The following SP110 variants were observed in gnomAD, a reference collection of about 807,000 sequenced individuals.
SP110 encodes the protein interferon-induced protein 41, 30kD.
SP110 carries 62 observed loss-of-function variants against 92.7 expected under a neutral mutation model. That is an observed-to-expected ratio of 0.67 (90% CI 0.55 to 0.83). The LOEUF (loss-of-function observed/expected upper bound fraction) is 0.83. Ranked by LOEUF, SP110 falls within the 40% of genes least tolerant of loss-of-function variation. The probability of loss-of-function intolerance (pLI) is 0.00; values close to 1 mark genes in which losing one functional copy is unlikely to be tolerated. For missense variants in SP110, 793 were observed against 863.9 expected (o/e 0.92, Z 1.03); for synonymous variants, 273 against 305.3 (o/e 0.89, Z 1.10).
intron 8 of SP110, among the ~76,000 whole-genome samples, chr2:230,204,672 A>G (rs190669215): frequency 6.6e-6 from 1 of 151,940 alleles, no homozygotes; most frequent in East Asian, 1.9e-4. Flanking sequence ...AGCCTAGAAG[A>G]GACACATTAT....
chr2:230,213,138 T>A, intron 3 of SP110, 111 bp from the exon 4 acceptor site: 1 of 1,055,278 alleles, frequency 9.5e-7, no homozygotes, highest in Non-Finnish European at 1.5e-6. Context: ...GAGCTATTCA[T>A]TGTCCCCCAG....
At chr2:230,216,072 C>T (rs1209406687) in intron 2 of SP110, among the ~76,000 whole-genome samples, 4 of 152,108 alleles carry the variant, frequency 2.6e-5, no homozygotes, top group Non-Finnish European at 5.9e-5. Context: ...CACTTTTGTC[C>T]ACATAGCATA....
rs1168283866 is a variant in SP110 at position 230,199,150 on chromosome 2, T to TG, written c.1129+1734_1129+1735insC. ...CTACTATTATTATTATTATTATTAT[T>TG]TTTTTTTTTTTTTAGTGGGGTGAGG... On this transcript the variant is annotated intron_variant, in intron 10 of 18. Coordinates refer to ENST00000258381, the MANE Select transcript of SP110 (RefSeq NM_080424.4). Among the ~76,000 whole-genome samples, 25 of 98,652 alleles carry TG rather than the reference T, an allele frequency of 2.5e-4. No individual in the cohort carries two copies. In the East Asian group the frequency reaches 7.3e-3, roughly 29 times the overall value. The allele number at this position is 98,652 out of a possible 152,430, so 64.7% of individuals were successfully genotyped here.
chr2:230,205,201 T>C (rs1019665128), intron 8 of SP110, among the ~76,000 whole-genome samples: 1 of 152,208 alleles, frequency 6.6e-6, no homozygotes, highest in African/African-American at 2.4e-5. Flanking sequence ...GGTTTTTGCT[T>C]GGCACCTGGG....
intron 11 of SP110, 133 bp downstream of exon 11, chr2:230,185,861 T>C: frequency 1.2e-6 from 1 of 844,026 alleles, no homozygotes; most frequent in Admixed American, 1.7e-5. Flanking sequence ...CCGTGCTCTG[T>C]CTTCATGTCC....
chr2:230,218,362 A>C (rs1187484131), intron 1 of SP110, among the ~76,000 whole-genome samples: 1 of 152,250 alleles, frequency 6.6e-6, no homozygotes, highest in African/African-American at 2.4e-5. Context: ...TGAAAAGAAT[A>C]ATCCGCAATC....
chr2:230,176,519 T>C (rs2148710957), intron 14 of SP110: 4 of 1,563,856 alleles, frequency 2.6e-6, no homozygotes, highest in Non-Finnish European at 3.4e-6. Context: ...TGCTTCCCCA[T>C]CCCAAATTAA....
intron 12 of SP110, among the ~76,000 whole-genome samples, chr2:230,178,960 G>C (rs2041992581): frequency 6.6e-6 from 1 of 152,182 alleles, no homozygotes; most frequent in South Asian, 2.1e-4. Flanking sequence ...TCATTAAAGA[G>C]AGACAGCAGG....
At chr2:230,222,046 G>A (rs898337832), upstream of SP110, among the ~76,000 whole-genome samples, 18 of 152,182 alleles carry the variant, frequency 1.2e-4, no homozygotes, top group Non-Finnish European at 2.9e-5. Context: ...TTGCCAACAT[G>A]GCAAAATCCC....
chr2:230,191,014 GC>G (rs2042604651), intron 10 of SP110, among the ~76,000 whole-genome samples: 1 of 151,996 alleles, frequency 6.6e-6, no homozygotes, highest in Non-Finnish European at 1.5e-5. Context: ...TATCCTTTTT[GC>G]TTAGGATTGT....
intron 10 of SP110, among the ~76,000 whole-genome samples, chr2:230,186,562 T>C (rs1559147603): frequency 6.6e-6 from 1 of 152,244 alleles, no homozygotes; most frequent in Non-Finnish European, 1.5e-5. Flanking sequence ...GTTACATGGA[T>C]GAATTATATA....
At chr2:230,201,532 C>T (rs2043185679) in intron 9 of SP110, among the ~76,000 whole-genome samples, 1 of 152,082 alleles carries the variant, frequency 6.6e-6, no homozygotes, top group African/African-American at 2.4e-5. Flanking sequence ...TTTTGGTGAG[C>T]CAGTAAAAAT....
At chr2:230,174,646 G>A (rs989237365) in intron 14 of SP110, among the ~76,000 whole-genome samples, 1 of 152,250 alleles carries the variant, frequency 6.6e-6, no homozygotes, top group Non-Finnish European at 1.5e-5. Context: ...TGGAGACGGA[G>A]GCTCTCACAG....
intron 8 of SP110, among the ~76,000 whole-genome samples, chr2:230,204,461 C>A (rs942911156): frequency 3.3e-5 from 5 of 151,790 alleles, no homozygotes; most frequent in Non-Finnish European, 7.4e-5. Context: ...GGAAATTTCC[C>A]TCCAATAACC....
intron 8 of SP110, among the ~76,000 whole-genome samples, chr2:230,207,152 C>T (rs1353107063): frequency 6.6e-6 from 1 of 152,128 alleles, no homozygotes; most frequent in East Asian, 1.9e-4. Flanking sequence ...AAAGTTTTTT[C>T]TTTTCCTTTC....
intron 10 of SP110, among the ~76,000 whole-genome samples, chr2:230,186,376 G>A (rs75570174): frequency 1.1e-4 from 17 of 152,218 alleles, no homozygotes; most frequent in Middle Eastern, 3.4e-3. Flanking sequence ...GTAGGGATTT[G>A]TGTCTGTCTT....
rs2148916908 is a variant in SP110 at position 230,211,447 on chromosome 2, T to A, written c.751+23A>T. The A allele has an allele frequency of 6.9e-7, 1 of 1,458,446 alleles. No homozygotes were observed. Among genetic ancestry groups the A allele is most frequent in the East Asian group, 2.3e-5 (1 of 44,142 alleles). The allele number at this position is 1,458,446 out of a possible 1,614,324, so 90.3% of individuals were successfully genotyped here. On this transcript the variant is annotated intron_variant, in intron 6 of 18. Transcript: ENST00000258381. The surrounding 1 kb of genome is among the most constrained non-coding windows in gnomAD (Gnocchi z 4.2). ...AAACACAGAAACAAAGGCAAGCTTT[T>A]AGGTTGACCAAACCAAGATTACCTG...
chr2:230,190,004 C>T (rs947471163), intron 10 of SP110, among the ~76,000 whole-genome samples: 2 of 152,150 alleles, frequency 1.3e-5, no homozygotes, highest in Admixed American at 6.5e-5. Context: ...AATACTGCTG[C>T]GATAAACATA....
rs143090622 is a variant in SP110, at chr2:230,170,757, C to T, written c.1892G>A (p.Arg631Gln). The T allele has an allele frequency of 1.5e-5, 25 of 1,613,982 alleles. No individual in the cohort carries two copies. The highest frequency in any genetic ancestry group is 1.2e-4 in the African/African-American group (9 of 74,878). The change falls in exon 18 of 19, where the codon CGA (arginine) becomes CAA (glutamine). Residue 631 changes from arginine to glutamine, a missense_variant. Physicochemically the swap from Arg to Gln is conservative, Grantham distance 43. Transcript: ENST00000258381. Reference protein sequence around the residue: ...SFFTGIPFNIRDYGEPFQEAM... With the variant: ...SFFTGIPFNIQDYGEPFQEAM... ...TTCCTGAAAGGGCTCACCGTAATCT[C>T]GAATCTTGGGGACAAAGCCACCAGA...
Sources: gnomAD v4.1 joint callset for allele counts (sites outside exome capture counted in the v4.1 genomes callset) on GRCh38, gnomAD v4.1.1 for gene constraint, Gnocchi (gnomAD v3.1) non-coding constraint, MANE v1.5 for transcripts, NCBI Gene and HGNC (gene_info 2026-07-23, HGNC 2026-07-21) for gene names.